Variants in ABLIM2 observed in about 807,000 individuals in gnomAD.
The protein encoded by ABLIM2 is actin binding LIM protein family member 2, also known as actin-binding LIM protein 2.
A neutral mutation model predicts 97.7 loss-of-function variants in ABLIM2; 53 were observed. The observed-to-expected ratio is 0.54, with a 90% confidence interval of 0.44 to 0.68. The LOEUF is 0.68. ABLIM2 is among the 30% of genes least tolerant of loss of function. The probability of loss-of-function intolerance (pLI) is 0.00; values close to 1 mark genes in which losing one functional copy is unlikely to be tolerated. For synonymous variants in ABLIM2, 361 were observed against 345.8 expected, an observed-to-expected ratio of 1.04 and a Z score of -0.49; for missense variants, 835 against 867.2, an observed-to-expected ratio of 0.96 and a Z score of 0.47.
rs1561456078 is a variant in ABLIM2 at position 8,106,630 on chromosome 4, C to T, written c.18G>A (p.Gln6=). ...CCAGCGGGCTGGGAGCAGCCTGGGGCTGCGACACTGTTGGGAAAGAGAGAA... is the reference window on the plus strand; with the variant it reads ...CCAGCGGGCTGGGAGCAGCCTGGGGTTGCGACACTGTTGGGAAAGAGAGAA... MSAVS[Q]PQAAPSPLEK... is the part of the protein sequence containing the mutation. Residue 6 remains glutamine, a synonymous_variant, in exon 2 of 21, where the codon CAG becomes CAA. Transcript: ENST00000447017. The T allele has an allele frequency of 9.3e-6, 15 of 1,607,414 alleles. No homozygotes were observed. The highest frequency in any genetic ancestry group is 1.3e-5 in the Non-Finnish European group (15 of 1,176,842).
In ABLIM2 at chr4:8,158,724, C is replaced by G. The variant is rs1716254174; in HGVS notation, c.-35G>C. ...CGCTCGGAGTCGGGGCGGCCCGGCG[C>G]TGCGACAGCCAGACCCTCGGGCCCG... is the stretch of plus-strand genomic sequence containing the variant. On this transcript the variant is annotated 5_prime_UTR_variant, in exon 1 of 21. Coordinates refer to ENST00000447017, the MANE Select transcript of ABLIM2 (RefSeq NM_001130083.2). The G allele has an allele frequency of 5.6e-6, 8 of 1,430,428 alleles. No individual in the cohort carries two copies. Among genetic ancestry groups the G allele is most frequent in the Non-Finnish European group, 6.4e-6 (7 of 1,091,426 alleles). 88.6% of individuals were successfully genotyped at this position (1,430,428 alleles called of 1,614,324 possible).
At chr4:8,031,604 C>T (rs1272525824) in intron 10 of ABLIM2, among the ~76,000 whole-genome samples, 2 of 152,176 alleles carry the variant, frequency 1.3e-5, no homozygotes, top group African/African-American at 4.8e-5. Flanking sequence ...CCTCCTGCAC[C>T]TCATAGTGCG....
At chr4:8,006,880 G>GA (rs1370586864) in intron 16 of ABLIM2, 1 of 374,612 alleles carries the variant, frequency 2.7e-6, no homozygotes, top group African/African-American at 2.2e-5. Context: ...TTTTTGCAGG[G>GA]GGGGGGTGGC....
rs1015518182 is a variant in ABLIM2 at position 8,046,416 on chromosome 4, G to A, written c.823-1175C>T. On this transcript the variant is annotated intron_variant, in intron 8 of 20. Transcript: ENST00000447017. This position sits in a 1 kb window ranked among gnomAD's most constrained non-coding sequence, Gnocchi z 4.4. The stretch of plus-strand genomic sequence containing the variant: ...GGGCCACCTGCCTGGCCTTCCCCAC[G>A]CCTCCTATTCACCCTGTCCAAAAGA... Among the ~76,000 whole-genome samples, 9 of 151,734 alleles carry A rather than the reference G, an allele frequency of 5.9e-5. No individual in the cohort carries two copies. The highest frequency in any genetic ancestry group is 1.9e-4 in the African/African-American group (8 of 41,230).
chr4:7,997,566 G>C (rs1206556110), intron 16 of ABLIM2, among the ~76,000 whole-genome samples: 1 of 152,040 alleles, frequency 6.6e-6, no homozygotes, highest in African/African-American at 2.4e-5. Context: ...TTTTAATTTT[G>C]GTTATTTTTT....
intron 6 of ABLIM2, among the ~76,000 whole-genome samples, chr4:8,063,615 C>T (rs1385626714): frequency 1.3e-5 from 2 of 152,260 alleles, no homozygotes; most frequent in African/African-American, 4.8e-5. Flanking sequence ...GAGTGCAGAG[C>T]TTAAGCCCAT....
At chr4:8,094,359 T>G (rs10018626) in intron 3 of ABLIM2, among the ~76,000 whole-genome samples, 65,861 of 151,950 alleles carry the variant, frequency 0.43, 16,092 homozygotes, top group African/African-American at 0.68. Flanking sequence ...AGAAGGAAGG[T>G]CTTTATTCAG....
In ABLIM2 at chr4:8,052,863, G is replaced by T. The variant is rs138827170; in HGVS notation, c.822+1325C>A. ...GCTACAGGACATCAGAGTCACTCAG[G>T]ACCCCCAAGGTAGCCTGCTTGGTGG... is the stretch of plus-strand genomic sequence containing the variant. On this transcript the variant is annotated intron_variant, in intron 8 of 20. Transcript: ENST00000447017. Among the ~76,000 whole-genome samples, 5 of 152,358 alleles carry T rather than the reference G, an allele frequency of 3.3e-5. No homozygotes were observed. In the East Asian group the frequency reaches 9.6e-4, roughly 29 times the overall value.
rs201236422 is a variant in ABLIM2, at chr4:8,044,693, A to T, written c.900+471T>A. ...AGTCTCTCTCTCTCTCTCTCTCTCG[A>T]ACGAACGAAAACGGGATCACATAAT... On this transcript the variant is annotated intron_variant, in intron 9 of 20. Transcript: ENST00000447017. This position sits in a 1 kb window ranked among gnomAD's most constrained non-coding sequence, Gnocchi z 4.4. Among the ~76,000 whole-genome samples the T allele has an allele frequency of 6.8e-6, 1 of 147,476 alleles. No individual in the cohort carries two copies.
At chr4:7,967,227 C>A in intron 20 of ABLIM2, 124 bp from the exon 21 acceptor site, 1 of 766,054 alleles carries the variant, frequency 1.3e-6, no homozygotes. Context: ...TGGCCCTCAG[C>A]GTGCTCGGCC....
chr4:8,141,478 A>G (rs538463821), intron 1 of ABLIM2, among the ~76,000 whole-genome samples: 1 of 152,332 alleles, frequency 6.6e-6, no homozygotes, highest in South Asian at 2.1e-4. Flanking sequence ...ACATGCACCA[A>G]CATTTGAATA....
intron 1 of ABLIM2, among the ~76,000 whole-genome samples, chr4:8,108,941 C>A (rs935543519): frequency 2.6e-5 from 4 of 152,216 alleles, no homozygotes; most frequent in African/African-American, 9.6e-5. Flanking sequence ...ATTTCGGGGA[C>A]CCCAGGCACC....
intron 18 of ABLIM2, 135 bp downstream of exon 18, chr4:7,984,704 C>T (rs1332203032): frequency 1.1e-6 from 1 of 935,820 alleles, no homozygotes; most frequent in Non-Finnish European, 1.6e-6. Context: ...GCACGCCCTC[C>T]CCCGAGGTGT....
In ABLIM2 at chr4:8,019,579, G is replaced by T; in HGVS notation, c.1423+39C>A. On this transcript the variant is annotated intron_variant, in intron 14 of 20. Transcript: ENST00000447017. The surrounding 1 kb of genome is among the most constrained non-coding windows in gnomAD (Gnocchi z 4.3). The stretch of plus-strand genomic sequence containing the variant: ...GAAGCAGATGGGTATTGACAGGCAT[G>T]CGGGGCAAACCACAGCAGCGGGAGG... 1 of 1,582,534 alleles carries T rather than the reference G, an allele frequency of 6.3e-7. No individual in the cohort carries two copies. Among genetic ancestry groups the T allele is most frequent in the Admixed American group, 1.8e-5 (1 of 55,172 alleles).
At position 8,080,665 on chromosome 4, in the gene ABLIM2, C is replaced by T. The variant is rs770054844; in HGVS notation, c.581+11G>A. On this transcript the variant is annotated intron_variant, in intron 5 of 20. Transcript: ENST00000447017. ...AGCGGAGGCTCTCACTAGAGCCCTC[C>T]CCCCACTTACTTGCTGATGTACTCG... 26 of 1,595,026 alleles carry T rather than the reference C, an allele frequency of 1.6e-5. No homozygotes were observed. Among genetic ancestry groups the T allele is most frequent in the Non-Finnish European group, 2.2e-5 (26 of 1,167,970 alleles).
At chr4:8,086,149 A>C (rs574514714) in intron 4 of ABLIM2, among the ~76,000 whole-genome samples, 1 of 152,168 alleles carries the variant, frequency 6.6e-6, no homozygotes, top group African/African-American at 2.4e-5. Flanking sequence ...GGCTGGGGGA[A>C]GGGGCAGGTT....
In ABLIM2 at chr4:8,021,213, T is replaced by G. The variant is rs1773478403; in HGVS notation, c.1268-910A>C. 6.6e-6 allele frequency among the ~76,000 whole-genome samples: 1 copy of G among 152,168 alleles called. No homozygotes were observed. Among genetic ancestry groups the G allele is most frequent in the African/African-American group, 2.4e-5 (1 of 41,426 alleles). On this transcript the variant is annotated intron_variant, in intron 12 of 20. Coordinates refer to ENST00000447017, the MANE Select transcript of ABLIM2 (RefSeq NM_001130083.2). The surrounding 1 kb of genome is among the most constrained non-coding windows in gnomAD (Gnocchi z 5.5). Reference sequence around the variant, plus strand: ...TTAAATGGAAAGCATCCTCTGACCCTGCTTCAATTGCTGAGCTCACCTGGA... The same window carrying G: ...TTAAATGGAAAGCATCCTCTGACCCGGCTTCAATTGCTGAGCTCACCTGGA...
rs149483964 is a variant in ABLIM2, at chr4:7,973,553, C to T, written c.1825-6450G>A. Among the ~76,000 whole-genome samples the T allele has an allele frequency of 2.4e-3, 363 of 151,882 alleles. 1 individual carries two copies. Among genetic ancestry groups the T allele is most frequent in the African/African-American group, 8.3e-3 (345 of 41,432 alleles). ...AAAGCTGAGGTGTCTGGACCTGAGC[C>T]GGGAAAGGTGAGGACAGGATAGGCC... On this transcript the variant is annotated intron_variant, in intron 20 of 20. Coordinates refer to ENST00000447017, the MANE Select transcript of ABLIM2 (RefSeq NM_001130083.2).
At chr4:8,109,555 G>A (rs2152777699) in intron 1 of ABLIM2, among the ~76,000 whole-genome samples, 1 of 152,250 alleles carries the variant, frequency 6.6e-6, no homozygotes, top group South Asian at 2.1e-4. Flanking sequence ...CATCCCGGAA[G>A]CCACCGATCT....
Sources: allele counts gnomAD v4.1 joint callset (sites outside exome capture counted in the v4.1 genomes callset), GRCh38; gene constraint gnomAD v4.1.1; non-coding constraint Gnocchi (gnomAD v3.1); transcripts MANE v1.5; gene names NCBI Gene and HGNC (gene_info 2026-07-23, HGNC 2026-07-21).